The following TUFT1 variants were observed in gnomAD, a reference collection of about 807,000 sequenced individuals.
TUFT1 encodes tuftelin.
Under a neutral mutation model 57.8 loss-of-function variants are expected in TUFT1, and 43 were observed. The observed-to-expected ratio is 0.74, with a 90% CI of 0.58 to 0.96. The LOEUF is 0.96. TUFT1 is among the 40% of genes least tolerant of loss of function. The pLI is 0.00. For synonymous variants in TUFT1, 166 were observed against 176.7 expected, an observed-to-expected ratio of 0.94 and a Z score of 0.48; for missense variants, 459 against 489.0, an observed-to-expected ratio of 0.94 and a Z score of 0.58.
chr1:151,553,921 A>G (rs566023776), intron 1 of TUFT1, among the ~76,000 whole-genome samples: 30 of 151,800 alleles, frequency 2.0e-4, no homozygotes, highest in Admixed American at 5.2e-4. Context: ...ATGAAGTTGA[A>G]CCCCTTGTCA....
intron 10 of TUFT1, 75 bp from the exon 11 acceptor site, chr1:151,579,574 C>A: frequency 6.7e-7 from 1 of 1,495,884 alleles, no homozygotes; most frequent in East Asian, 2.3e-5. Flanking sequence ...CCTTCCCCAG[C>A]AGCTGGGGTG....
intron 10 of TUFT1, 43 bp from the exon 11 acceptor site, chr1:151,579,606 A>G: frequency 6.2e-7 from 1 of 1,604,868 alleles, no homozygotes; most frequent in African/African-American, 1.3e-5. Flanking sequence ...GTGTGTAATG[A>G]GTCATTGCAA....
chr1:151,573,405 G>A (rs779036559), intron 7 of TUFT1, among the ~76,000 whole-genome samples: 2 of 152,176 alleles, frequency 1.3e-5, no homozygotes, highest in African/African-American at 4.8e-5. Flanking sequence ...AAGAAAGGAG[G>A]CAAGTTCTTT....
At position 151,582,638 on chromosome 1, in the gene TUFT1, CTG is replaced by C. The variant is rs1421815832; in HGVS notation, c.*933_*934del. The C allele has an allele frequency of 6.2e-6, 1 of 160,280 alleles. No homozygotes were observed. Among genetic ancestry groups the C allele is most frequent in the African/African-American group, 2.4e-5 (1 of 41,566 alleles). 9.9% of individuals were successfully genotyped at this position (160,280 alleles called of 1,614,324 possible). A position where few individuals can be genotyped will look rare whatever the true frequency, so the allele number is the denominator to read the frequency against. ...TTGGATTTGCTTGAAACCGGGAAAA[CTG>C]TTCCCATTAGGCTTGTTAATGTCAG... On this transcript the variant is annotated 3_prime_UTR_variant, in exon 13 of 13. Transcript: ENST00000368849.
rs1666688654 is a variant in TUFT1 at position 151,582,955 on chromosome 1, A to T, written c.*1248A>T. 1 of 147,626 alleles carries T rather than the reference A, an allele frequency of 6.8e-6. No individual in the cohort carries two copies. Among genetic ancestry groups the T allele is most frequent in the Non-Finnish European group, 1.5e-5 (1 of 67,228 alleles). 9.1% of individuals were successfully genotyped at this position (147,626 alleles called of 1,614,324 possible). Reference sequence around the variant, plus strand: ...TTTTTATTGTTTTTTTTTTTTTCTGAGACAGAGTCTCACTCTGTCACCCAG... The same window carrying T: ...TTTTTATTGTTTTTTTTTTTTTCTGTGACAGAGTCTCACTCTGTCACCCAG... On this transcript the variant is annotated 3_prime_UTR_variant, in exon 13 of 13. Transcript: ENST00000368849.
rs1359713953 is a variant in TUFT1, at chr1:151,582,907, C to T, written c.*1200C>T. 6.6e-6 allele frequency: 1 copy of T among 151,922 alleles called. No homozygotes were observed. Among genetic ancestry groups the T allele is most frequent in the Non-Finnish European group, 1.5e-5 (1 of 68,050 alleles). 9.4% of individuals were successfully genotyped at this position (151,922 alleles called of 1,614,324 possible). A position where few individuals can be genotyped will look rare whatever the true frequency, so the allele number is the denominator to read the frequency against. On this transcript the variant is annotated 3_prime_UTR_variant, in exon 13 of 13. Transcript: ENST00000368849. ...TCTTTTATCCTGGCTCTGAATGACC[C>T]TGCAGGTCATCATGGTTTTCTTTTT...
chr1:151,577,912 G>T (rs12747024), intron 9 of TUFT1, among the ~76,000 whole-genome samples: 85,263 of 151,634 alleles, frequency 0.56, 25,995 homozygotes, highest in Middle Eastern at 0.72. Context: ...TGTAGTCCCA[G>T]CTACATGGGA....
chr1:151,555,151 A>C (rs1235156662), intron 1 of TUFT1, among the ~76,000 whole-genome samples: 3 of 150,476 alleles, frequency 2.0e-5, no homozygotes, highest in Non-Finnish European at 4.4e-5. Context: ...AACATGGCGA[A>C]ACCATGTCTC....
intron 1 of TUFT1, among the ~76,000 whole-genome samples, chr1:151,555,975 C>G (rs1665685519): frequency 6.6e-6 from 1 of 152,000 alleles, no homozygotes; most frequent in Non-Finnish European, 1.5e-5. Flanking sequence ...CCTCATGTTG[C>G]CCTTTGAGAG....
intron 8 of TUFT1, among the ~76,000 whole-genome samples, 190 bp from the exon 9 acceptor site, chr1:151,574,721 A>G (rs996744795): frequency 6.6e-6 from 1 of 152,128 alleles, no homozygotes; most frequent in Admixed American, 6.5e-5. Context: ...CAGCTGGGTG[A>G]GGCTGAGTGA....
At chr1:151,555,146 G>A (rs894559024) in intron 1 of TUFT1, among the ~76,000 whole-genome samples, 8 of 150,588 alleles carry the variant, frequency 5.3e-5, no homozygotes, top group African/African-American at 1.2e-4. Context: ...TGGGCAACAT[G>A]GCGAAACCAT....
At chr1:151,579,504 C>A in intron 10 of TUFT1, 145 bp from the exon 11 acceptor site, 1 of 699,568 alleles carries the variant, frequency 1.4e-6, no homozygotes, top group Non-Finnish European at 2.4e-6. Context: ...CTAATATTGA[C>A]TGAAAGGAGG....
At chr1:151,565,191 A>G (rs1666024197) in intron 5 of TUFT1, among the ~76,000 whole-genome samples, 1 of 152,162 alleles carries the variant, frequency 6.6e-6, no homozygotes, top group African/African-American at 2.4e-5. Flanking sequence ...AGAAGGCATC[A>G]GTAAATGTTT....
At chr1:151,547,625 A>G (rs758307991) in intron 1 of TUFT1, among the ~76,000 whole-genome samples, 9 of 152,226 alleles carry the variant, frequency 5.9e-5, no homozygotes, top group Non-Finnish European at 1.2e-4. Flanking sequence ...GTCTGGGAGC[A>G]CAGAAGCAAA....
intron 6 of TUFT1, among the ~76,000 whole-genome samples, chr1:151,569,300 C>G (rs1224384402): frequency 1.3e-5 from 2 of 152,180 alleles, no homozygotes; most frequent in African/African-American, 4.8e-5. Flanking sequence ...GGTCTCTGCT[C>G]TCAGAGAGCT....
chr1:151,578,087 A>G (rs192974718), intron 9 of TUFT1, among the ~76,000 whole-genome samples: 3 of 151,992 alleles, frequency 2.0e-5, no homozygotes, highest in Admixed American at 2.0e-4. Context: ...GAATCTTTCC[A>G]GTAACGAGGA....
intron 1 of TUFT1, among the ~76,000 whole-genome samples, chr1:151,552,041 C>T (rs186723143): frequency 7.9e-5 from 12 of 152,254 alleles, no homozygotes; most frequent in Non-Finnish European, 1.8e-4. Context: ...TAACCACTAT[C>T]CTGACTTCTA....
intron 1 of TUFT1, among the ~76,000 whole-genome samples, chr1:151,553,232 C>T (rs946510965): frequency 6.6e-6 from 1 of 152,154 alleles, no homozygotes; most frequent in Non-Finnish European, 1.5e-5. Flanking sequence ...GCTGGGACTA[C>T]AGGCACCTGA....
chr1:151,561,746 A>C (rs1467583435), intron 1 of TUFT1: 3 of 1,317,164 alleles, frequency 2.3e-6, no homozygotes, highest in Non-Finnish European at 3.0e-6. Flanking sequence ...GAGGATGAGC[A>C]GTCCAGGAAT....
Sources: gnomAD v4.1 joint callset for allele counts (sites outside exome capture counted in the v4.1 genomes callset) on GRCh38, gnomAD v4.1.1 for gene constraint, MANE v1.5 for transcripts, NCBI Gene and HGNC (gene_info 2026-07-23, HGNC 2026-07-21) for gene names.